The following TNNT1 variants were observed in gnomAD, a reference collection of about 807,000 sequenced individuals.
TNNT1 encodes the protein troponin T, slow skeletal muscle.
TNNT1 carries 53 observed loss-of-function variants against 50.6 expected under a neutral mutation model. The ratio of observed to expected loss-of-function variants is 1.05; its 90% CI spans 0.84 to 1.32. The LOEUF is 1.32. TNNT1 is among the 40% of genes most tolerant of loss of function. The pLI, the probability that TNNT1 is intolerant of heterozygous loss-of-function variation, is 0.00. For synonymous variants in TNNT1, 142 were observed against 138.0 expected (o/e 1.03, Z -0.20); for missense variants, 348 against 381.7 (o/e 0.91, Z 0.74).
At position 55,146,459 on chromosome 19, in the gene TNNT1, T is replaced by C. The variant is rs1267757904; in HGVS notation, c.81A>G (p.Glu27=). 7.4e-7 allele frequency: 1 copy of C among 1,357,588 alleles called. No individual in the cohort carries two copies. Among genetic ancestry groups the C allele is most frequent in the Non-Finnish European group, 9.6e-7 (1 of 1,046,602 alleles). 84.1% of individuals were successfully genotyped at this position (1,357,588 alleles called of 1,614,324 possible). A position where few individuals can be genotyped will look rare whatever the true frequency, so the allele number is the denominator to read the frequency against. The change falls in exon 5 of 14, where the codon GAA becomes GAG. Residue 27 remains glutamate (E), a synonymous_variant. Coordinates refer to ENST00000588981, the MANE Select transcript of TNNT1 (RefSeq NM_003283.6). ...EAAEEEEEAP[E]EPEPVAEPEE... ...CTGGCTCTGCCACCGGCTCCGGCTC[T>C]TCGGGGGCTGGGGAGGGGAGGGAGG...
chr19:55,135,460 A>G, intron 11 of TNNT1: 1 of 309,526 alleles, frequency 3.2e-6, no homozygotes, highest in South Asian at 2.3e-5. Context: ...GCTGGAGTGC[A>G]GTGACACCAT....
intron 10 of TNNT1, among the ~76,000 whole-genome samples, chr19:55,137,577 G>T (rs7259364): frequency 8.6e-4 from 61 of 70,890 alleles, no homozygotes; most frequent in African/African-American, 2.4e-3. Context: ...ACCCAGGAGT[G>T]CAGGCCCCCA....
chr19:55,137,164 G>A lies in TNNT1; in HGVS notation c.550C>T (p.Arg184Cys), dbSNP rs12976760. 9.9e-6 allele frequency: 16 copies of A among 1,612,756 alleles called. No homozygotes were observed. The highest frequency in any genetic ancestry group is 8.0e-5 in the African/African-American group (6 of 74,680). The change falls in exon 11 of 14, where the codon CGC becomes TGC. Residue 184 changes from arginine to cysteine, a missense_variant. Arg to Cys is a radical substitution (Grantham distance 180, BLOSUM62 -3). This residue lies in a region of TNNT1 where 253 missense variants were observed against 291.8 expected (regional missense o/e 0.87). Coordinates refer to ENST00000588981, the MANE Select transcript of TNNT1 (RefSeq NM_003283.6). ...GGCTTCTTACGCTCGGAGAGGATGC[G>A]CACCTTCATCTCCCGCCCCGTCTGC... is the stretch of plus-strand genomic sequence containing the variant. ...KRQTGREMKV[R>C]ILSERKKPLD...
rs746356732 is a variant in TNNT1 at position 55,147,037 on chromosome 19, G to A, written c.33-16C>T. ...CGGCTGCTCCCTGCGGACGGGTGTGGGGAGAGAGGAGGGAGGGGAGAGTTA... is the reference window on the plus strand; with the variant it reads ...CGGCTGCTCCCTGCGGACGGGTGTGAGGAGAGAGGAGGGAGGGGAGAGTTA... On this transcript the variant is annotated splice_polypyrimidine_tract_variant and intron_variant, in intron 2 of 13. Coordinates refer to ENST00000588981, the MANE Select transcript of TNNT1 (RefSeq NM_003283.6). The A allele has an allele frequency of 3.1e-6, 5 of 1,612,540 alleles. No individual in the cohort carries two copies. Among genetic ancestry groups the A allele is most frequent in the East Asian group, 2.2e-5 (1 of 44,848 alleles).
At chr19:55,148,290 C>G (rs1036642768) in intron 1 of TNNT1, among the ~76,000 whole-genome samples, 2 of 152,064 alleles carry the variant, frequency 1.3e-5, no homozygotes, top group Non-Finnish European at 2.9e-5. Context: ...TCGCCCCACC[C>G]CACTGGCTGG....
intron 5 of TNNT1, 86 bp from the exon 6 acceptor site, chr19:55,145,651 C>T: frequency 6.6e-7 from 1 of 1,513,016 alleles, no homozygotes; most frequent in Non-Finnish European, 9.2e-7. Context: ...GGAGGGACCC[C>T]CCAAGCCTCG....
rs371186701 is a variant in TNNT1 at position 55,141,326 on chromosome 19, T to G, written c.193-24A>C. The G allele has an allele frequency of 2.1e-3, 3,408 of 1,594,932 alleles. 92 individuals carry two copies. In the South Asian group the frequency reaches 0.035, roughly 17 times the overall value. Reference sequence around the variant, plus strand: ...TCCTGCAGGACACACGGGCAGCCCGTCCTAGGAGACCCTGGAGGGGGCAGC... The same window carrying G: ...TCCTGCAGGACACACGGGCAGCCCGGCCTAGGAGACCCTGGAGGGGGCAGC... On this transcript the variant is annotated intron_variant, in intron 7 of 13. Transcript: ENST00000588981.
At chr19:55,139,825 GTAA>G (rs2085418909) in intron 9 of TNNT1, among the ~76,000 whole-genome samples, 1 of 151,114 alleles carries the variant, frequency 6.6e-6, no homozygotes, top group Non-Finnish European at 1.5e-5. Context: ...AATAATAATA[GTAA>G]TAATGATGAC....
chr19:55,146,390 G>A, intron 5 of TNNT1, 44 bp downstream of exon 5: 1 of 1,336,666 alleles, frequency 7.5e-7, no homozygotes, highest in Non-Finnish European at 9.7e-7. Context: ...GGGTCCCCCC[G>A]GGCCCCCGAC....
chr19:55,138,126 G>C, intron 9 of TNNT1, 52 bp from the exon 10 acceptor site: 2 of 1,613,244 alleles, frequency 1.2e-6, no homozygotes, highest in Admixed American at 3.3e-5. Flanking sequence ...GACTGAGGGA[G>C]GAGGGCCCTG....
chr19:55,137,294 C>T, intron 10 of TNNT1, 82 bp from the exon 11 acceptor site: 6 of 969,818 alleles, frequency 6.2e-6, no homozygotes, highest in Non-Finnish European at 9.8e-6. Context: ...ACGTCGGATC[C>T]CACAGACCAT....
At chr19:55,145,229 G>A (rs2085526072) in intron 6 of TNNT1, among the ~76,000 whole-genome samples, 1 of 151,842 alleles carries the variant, frequency 6.6e-6, no homozygotes, top group Non-Finnish European at 1.5e-5. Flanking sequence ...AGCCCAAGAT[G>A]TTGAGGCAGT....
chr19:55,146,127 G>C (rs1051031189), intron 5 of TNNT1, among the ~76,000 whole-genome samples: 2 of 152,244 alleles, frequency 1.3e-5, no homozygotes, highest in African/African-American at 2.4e-5. Flanking sequence ...GAAGATAAGG[G>C]GGGATGGGGT....
intron 3 of TNNT1, 26 bp downstream of exon 3, chr19:55,146,982 A>G (rs1208746782): frequency 1.3e-6 from 2 of 1,595,596 alleles, no homozygotes; most frequent in African/African-American, 1.3e-5. Context: ...TCCCCATCCC[A>G]TAGGGCCGGC....
At chr19:55,133,035 A>G in intron 13 of TNNT1, 75 bp from the exon 14 acceptor site, 1 of 1,344,098 alleles carries the variant, frequency 7.4e-7, no homozygotes, top group East Asian at 2.4e-5. Flanking sequence ...CCCTCAATTC[A>G]GGAAGCCCAT....
chr19:55,139,811 AAAT>A (rs1026495714), intron 9 of TNNT1, among the ~76,000 whole-genome samples: 5 of 151,518 alleles, frequency 3.3e-5, no homozygotes, highest in African/African-American at 7.3e-5. Context: ...AAATAAAAAA[AAAT>A]AATAATAATA....
chr19:55,137,057 G>A, intron 11 of TNNT1, 46 bp downstream of exon 11: 1 of 1,248,890 alleles, frequency 8.0e-7, no homozygotes, highest in Admixed American at 1.8e-5. Context: ...TTATCCCCCT[G>A]TCTCACACCC....
At position 55,132,849 on chromosome 19, in the gene TNNT1, A is replaced by T; in HGVS notation, c.*66T>A. 6.7e-7 allele frequency: 1 copy of T among 1,494,720 alleles called. No individual in the cohort carries two copies. The highest frequency in any genetic ancestry group is 9.2e-7 in the Non-Finnish European group (1 of 1,092,002). The allele number at this position is 1,494,720 out of a possible 1,614,324, so 92.6% of individuals were successfully genotyped here. ...CAGCGGGTGTCTGAGGGGAGCGTTT[A>T]TTTCAAGCTACCGATGGGACAAACA... On this transcript the variant is annotated 3_prime_UTR_variant, in exon 14 of 14. Transcript: ENST00000588981.
chr19:55,147,293 A>C, intron 1 of TNNT1, 125 bp from the exon 2 acceptor site: 1 of 842,350 alleles, frequency 1.2e-6, no homozygotes, highest in Non-Finnish European at 1.9e-6. Context: ...TGGGTGTGAG[A>C]GAGGAGGAGC....
Sources: gnomAD v4.1 joint callset for allele counts (sites outside exome capture counted in the v4.1 genomes callset) on GRCh38, gnomAD v4.1.1 for gene constraint, gnomAD v4.1.1 regional missense constraint, MANE v1.5 for transcripts, NCBI Gene and HGNC (gene_info 2026-07-23, HGNC 2026-07-21) for gene names.